Variants in SLC39A11 observed in about 807,000 individuals in gnomAD.
SLC39A11 encodes the protein zinc transporter ZIP11.
SLC39A11 carries 33 observed loss-of-function variants against 36.1 expected under a neutral mutation model. The ratio of observed to expected loss-of-function variants is 0.91; its 90% CI spans 0.69 to 1.22. The LOEUF (loss-of-function observed/expected upper bound fraction) is 1.22. Among genes scored for constraint, SLC39A11 ranks in the 50% most tolerant of loss-of-function variants. The pLI is 0.00. For missense variants in SLC39A11, 432 were observed against 430.3 expected, an observed-to-expected ratio of 1.00 and a Z score of -0.03; for synonymous variants, 166 against 170.3, an observed-to-expected ratio of 0.97 and a Z score of 0.20.
intron 3 of SLC39A11, among the ~76,000 whole-genome samples, chr17:73,075,984 T>C (rs2060306482): frequency 1.3e-5 from 2 of 152,196 alleles, no homozygotes; most frequent in South Asian, 4.1e-4. Context: ...AATTAGTTGA[T>C]CTAGGTAGAG....
At chr17:73,083,820 AG>A (rs2060629226) in intron 3 of SLC39A11, among the ~76,000 whole-genome samples, 1 of 152,258 alleles carries the variant, frequency 6.6e-6, no homozygotes, top group Non-Finnish European at 1.5e-5. Context: ...AAACAATATT[AG>A]ATGACACCTT....
intron 4 of SLC39A11, among the ~76,000 whole-genome samples, chr17:72,992,098 T>C (rs992116325): frequency 9.2e-5 from 14 of 152,150 alleles, no homozygotes; most frequent in Admixed American, 3.9e-4. Context: ...ACACCTGTAA[T>C]CCCAGCACTT....
intron 6 of SLC39A11, among the ~76,000 whole-genome samples, chr17:72,843,913 G>A (rs2078934103): frequency 6.6e-6 from 1 of 151,972 alleles, no homozygotes; most frequent in Non-Finnish European, 1.5e-5. Flanking sequence ...ATACCTCCGG[G>A]AGATAGGCTA....
At chr17:72,748,916 C>T (rs980173124) in intron 6 of SLC39A11, among the ~76,000 whole-genome samples, 3 of 152,174 alleles carry the variant, frequency 2.0e-5, no homozygotes, top group East Asian at 1.9e-4. Context: ...AGACCAAGTA[C>T]GGGAGAGGGG....
chr17:72,698,953 C>T (rs1273749882), intron 7 of SLC39A11, among the ~76,000 whole-genome samples: 1 of 152,190 alleles, frequency 6.6e-6, no homozygotes, highest in African/African-American at 2.4e-5. Flanking sequence ...GCCTCAGCCT[C>T]CCGAGTAGCT....
intron 6 of SLC39A11, among the ~76,000 whole-genome samples, chr17:72,742,908 C>T (rs865849126): frequency 1.2e-4 from 19 of 152,134 alleles, no homozygotes; most frequent in African/African-American, 4.3e-4. Flanking sequence ...CATCTTAAAC[C>T]GCAAGGATAT....
In SLC39A11 at chr17:72,760,316, C is replaced by A. The variant is rs1231243666; in HGVS notation, c.602-23597G>T. Among the ~76,000 whole-genome samples, 4 of 152,260 alleles carry A rather than the reference C, an allele frequency of 2.6e-5. No homozygotes were observed. The East Asian group carries it at 7.7e-4, about 29-fold the overall frequency. On this transcript the variant is annotated intron_variant, in intron 6 of 9. Coordinates refer to ENST00000255559, the MANE Select transcript of SLC39A11 (RefSeq NM_139177.4). ...GTGCTGGGACTACAGGCGTGAGCCA[C>A]TGTGCCCAGCCATTGTGGAGCATAT...
chr17:72,924,646 A>G (rs1054150121), intron 5 of SLC39A11, among the ~76,000 whole-genome samples: 2 of 152,138 alleles, frequency 1.3e-5, no homozygotes, highest in African/African-American at 4.8e-5. Flanking sequence ...ATTCTCTAAT[A>G]CTTTTTCAGG....
chr17:72,948,554 A>G (rs1043719084), intron 4 of SLC39A11, among the ~76,000 whole-genome samples: 1 of 152,240 alleles, frequency 6.6e-6, no homozygotes, highest in African/African-American at 2.4e-5. Context: ...CACGTGTCTT[A>G]TGAGATCAAA....
chr17:73,057,930 C>A (rs1436959820), intron 3 of SLC39A11, among the ~76,000 whole-genome samples: 1 of 151,734 alleles, frequency 6.6e-6, no homozygotes, highest in African/African-American at 2.4e-5. Context: ...GAGCAAGACT[C>A]TATCTCCAAA....
intron 7 of SLC39A11, among the ~76,000 whole-genome samples, chr17:72,693,485 TTAAAA>T (rs1263379632): frequency 6.6e-6 from 1 of 152,232 alleles, no homozygotes; most frequent in African/African-American, 2.4e-5. Context: ...TTAAACATTA[TTAAAA>T]TGTTTTACTT....
intron 5 of SLC39A11, among the ~76,000 whole-genome samples, chr17:72,864,642 T>C (rs2080212662): frequency 6.6e-6 from 1 of 152,156 alleles, no homozygotes; most frequent in Non-Finnish European, 1.5e-5. Flanking sequence ...AAAATAAACA[T>C]GCTCGTAATC....
At chr17:72,992,728 A>T (rs1013488173) in intron 4 of SLC39A11, among the ~76,000 whole-genome samples, 3 of 152,258 alleles carry the variant, frequency 2.0e-5, no homozygotes, top group African/African-American at 7.2e-5. Flanking sequence ...CTTTTAAAAA[A>T]TACTAATGCT....
intron 1 of SLC39A11, among the ~76,000 whole-genome samples, chr17:73,089,222 A>C (rs2060844513): frequency 6.6e-6 from 1 of 152,040 alleles, no homozygotes. Context: ...ACACGCTTCC[A>C]ATCTTAATCC....
At chr17:73,040,472 G>A (rs2143466902) in intron 3 of SLC39A11, among the ~76,000 whole-genome samples, 1 of 152,328 alleles carries the variant, frequency 6.6e-6, no homozygotes, top group South Asian at 2.1e-4. Flanking sequence ...GGACATTGGT[G>A]GGGAAACTGG....
chr17:72,981,933 G>T (rs2088349758), intron 4 of SLC39A11, among the ~76,000 whole-genome samples: 1 of 152,156 alleles, frequency 6.6e-6, no homozygotes, highest in Non-Finnish European at 1.5e-5. Flanking sequence ...GTGGAAAGAT[G>T]CTAAGCTGAC....
At chr17:72,958,044 A>T (rs993786790) in intron 4 of SLC39A11, among the ~76,000 whole-genome samples, 11 of 152,286 alleles carry the variant, frequency 7.2e-5, no homozygotes, top group African/African-American at 2.6e-4. Context: ...CAGAATAGAA[A>T]CCCCAGAAAT....
chr17:72,954,075 C>G (rs1180780587), intron 4 of SLC39A11, among the ~76,000 whole-genome samples: 4 of 152,176 alleles, frequency 2.6e-5, no homozygotes, highest in African/African-American at 9.7e-5. Context: ...GAGACAGAGT[C>G]TCACTCTGTT....
At chr17:73,051,607 C>T (rs528129757) in intron 3 of SLC39A11, among the ~76,000 whole-genome samples, 75 of 150,632 alleles carry the variant, frequency 5.0e-4, no homozygotes, top group African/African-American at 1.7e-3. Context: ...CCTGTAATCC[C>T]GGCACTTTGG....
Sources: gnomAD v4.1 joint callset for allele counts (sites outside exome capture counted in the v4.1 genomes callset) on GRCh38, gnomAD v4.1.1 for gene constraint, MANE v1.5 for transcripts, NCBI Gene and HGNC (gene_info 2026-07-23, HGNC 2026-07-21) for gene names.